MROH7: variants seen among roughly 807,000 people sequenced by gnomAD.
MROH7 encodes maestro heat-like repeat-containing protein family member 7.
MROH7 carries 113 observed loss-of-function variants against 129.2 expected under a neutral mutation model. The ratio of observed to expected loss-of-function variants is 0.87; its 90% CI spans 0.75 to 1.02. The LOEUF is 1.02. Ranked by LOEUF, MROH7 falls within the 50% of genes least tolerant of loss-of-function variation. MROH7 has a pLI of 0.00. For missense variants in MROH7, 1,601 were observed against 1,671.3 expected, an observed-to-expected ratio of 0.96 and a Z score of 0.73; for synonymous variants, 655 against 667.9, an observed-to-expected ratio of 0.98 and a Z score of 0.30.
At chr1:54,670,685 C>T in intron 6 of MROH7, 109 bp downstream of exon 6, 2 of 1,351,646 alleles carry the variant, frequency 1.5e-6, no homozygotes, top group South Asian at 2.7e-5. Context: ...CCACCCCTCG[C>T]CCGGTGCCTT....
chr1:54,693,963 C>T (rs1444377735), intron 16 of MROH7, among the ~76,000 whole-genome samples: 3 of 152,176 alleles, frequency 2.0e-5, no homozygotes, highest in Non-Finnish European at 4.4e-5. Context: ...CTCATTGCAA[C>T]CTCTGCCTCC....
intron 14 of MROH7, among the ~76,000 whole-genome samples, chr1:54,683,470 G>A (rs1368735028): frequency 6.6e-6 from 1 of 152,120 alleles, no homozygotes; most frequent in Non-Finnish European, 1.5e-5. Flanking sequence ...ATGCCAGTTG[G>A]TCCATACCCC....
Position 54,706,506 on chromosome 1 carries a change from C to T in MROH7, c.3636C>T (p.Ala1212=), listed in dbSNP as rs751288331. The T allele has an allele frequency of 6.2e-7, 1 of 1,613,648 alleles. No homozygotes were observed. Among genetic ancestry groups the T allele is most frequent in the African/African-American group, 1.3e-5 (1 of 74,956 alleles). Residue 1212 remains alanine, a synonymous_variant, in exon 22 of 24, where the codon GCC becomes GCT. Transcript: ENST00000421030. The stretch of plus-strand genomic sequence containing the variant: ...TGGAGTATGCCAAGAACTCACGGGC[C>T]TCCCTCCGGAAGTGCTCAGTCATGT... ...QSLEYAKNSR[A]SLRKCSVMFI...
At chr1:54,704,189 T>C (rs947050318) in intron 21 of MROH7, among the ~76,000 whole-genome samples, 1 of 152,168 alleles carries the variant, frequency 6.6e-6, no homozygotes, top group South Asian at 2.1e-4. Context: ...TCTCATGATA[T>C]TACCATCACA....
At chr1:54,702,952 C>T (rs552595410) in intron 21 of MROH7, among the ~76,000 whole-genome samples, 22 of 152,254 alleles carry the variant, frequency 1.4e-4, no homozygotes, top group African/African-American at 4.8e-4. Context: ...ATACCTCCCA[C>T]GATGATCACG....
chr1:54,708,417 A>AAAACAAACAAACAAACAAACAAAC (rs55969302), intron 22 of MROH7, among the ~76,000 whole-genome samples: 1 of 150,552 alleles, frequency 6.6e-6, no homozygotes, highest in African/African-American at 2.5e-5. Context: ...ACACTGTCTA[A>AAAACAAACAAACAAACAAACAAAC]AAACAAACAA....
At chr1:54,665,353 C>T in intron 4 of MROH7, 113 bp downstream of exon 4, 1 of 704,930 alleles carries the variant, frequency 1.4e-6, no homozygotes, top group South Asian at 1.8e-5. Flanking sequence ...CCCAGCTCTC[C>T]TTTTCTCCAT....
chr1:54,655,216 TG>T (rs1644625206), intron 3 of MROH7, among the ~76,000 whole-genome samples: 1 of 152,066 alleles, frequency 6.6e-6, no homozygotes, highest in South Asian at 2.1e-4. Flanking sequence ...GGTTTTGCCA[TG>T]TTGGTCAGGC....
At chr1:54,658,352 AGTACC>A (rs1271750522) in intron 3 of MROH7, among the ~76,000 whole-genome samples, 1 of 152,192 alleles carries the variant, frequency 6.6e-6, no homozygotes, top group African/African-American at 2.4e-5. Context: ...TCCTTATGCC[AGTACC>A]GTGCTGTTTT....
At chr1:54,673,417 C>T (rs1644932794) in intron 8 of MROH7, among the ~76,000 whole-genome samples, 1 of 151,948 alleles carries the variant, frequency 6.6e-6, no homozygotes, top group Admixed American at 6.6e-5. Context: ...GTTATAGCTG[C>T]CACCATCTCT....
chr1:54,682,111 G>A (rs1645078602), intron 13 of MROH7, among the ~76,000 whole-genome samples: 2 of 151,680 alleles, frequency 1.3e-5, no homozygotes, highest in South Asian at 2.1e-4. Context: ...CATGTAAAAC[G>A]TAAAACATTT....
Position 54,702,076 on chromosome 1 carries a change from T to C in MROH7, c.3286-14T>C, listed in dbSNP as rs1483678690. 6.3e-7 allele frequency: 1 copy of C among 1,578,054 alleles called. No individual in the cohort carries two copies. The highest frequency in any genetic ancestry group is 2.3e-5 in the East Asian group (1 of 42,840). On this transcript the variant is annotated splice_polypyrimidine_tract_variant and intron_variant, in intron 19 of 23. Coordinates refer to ENST00000421030, the MANE Select transcript of MROH7 (RefSeq NM_001039464.4). ...CAGAGGAGGGACCCCCTCTGAGCCT[T>C]TGGTCTTCCCCAGGCACGAGAGGTC... is the stretch of plus-strand genomic sequence containing the variant.
intron 17 of MROH7, chr1:54,699,159 T>TG (rs1293867516): frequency 9.1e-5 from 6 of 65,920 alleles, no homozygotes; most frequent in African/African-American, 3.4e-4. Context: ...TCTTTCTTTC[T>TG]TTTCTTTCTT....
intron 15 of MROH7, among the ~76,000 whole-genome samples, chr1:54,690,212 G>A (rs930946630): frequency 2.0e-5 from 3 of 150,580 alleles, no homozygotes. Flanking sequence ...ATTTTTTCAC[G>A]AAGCAGCACG....
chr1:54,700,472 G>A lies in MROH7; in HGVS notation c.3105+11G>A. The A allele has an allele frequency of 6.4e-7, 1 of 1,569,502 alleles. No homozygotes were observed. Among genetic ancestry groups the A allele is most frequent in the Non-Finnish European group, 8.6e-7 (1 of 1,156,326 alleles). ...CGCAGGTCTGAGAAGGTGAGTGGGA[G>A]GCAGAGGAAAGCCTGGCCCAGCCAG... On this transcript the variant is annotated intron_variant, in intron 18 of 23. Transcript: ENST00000421030.
At chr1:54,698,036 C>A in intron 17 of MROH7, 1 of 249,994 alleles carries the variant, frequency 4.0e-6, no homozygotes, top group Non-Finnish European at 7.7e-6. Context: ...CCTGGCCAGT[C>A]AGCCCCACCA....
At chr1:54,658,684 C>G (rs1349875210) in intron 3 of MROH7, among the ~76,000 whole-genome samples, 3 of 151,686 alleles carry the variant, frequency 2.0e-5, no homozygotes, top group Non-Finnish European at 4.4e-5. Context: ...AGAAGCTTCC[C>G]TTGTGTCCCT....
intron 1 of MROH7, among the ~76,000 whole-genome samples, chr1:54,643,065 G>A (rs1322643209): frequency 6.6e-6 from 1 of 152,140 alleles, no homozygotes. Context: ...CATGTGCTAT[G>A]TGCTGGGAAA....
intron 7 of MROH7, among the ~76,000 whole-genome samples, chr1:54,671,172 G>T (rs890762953): frequency 6.6e-6 from 1 of 152,138 alleles, no homozygotes; most frequent in Non-Finnish European, 1.5e-5. Context: ...TGGATCACGA[G>T]GTCAGGAGAC....
Sources: gnomAD v4.1 joint callset for allele counts (sites outside exome capture counted in the v4.1 genomes callset) on GRCh38, gnomAD v4.1.1 for gene constraint, MANE v1.5 for transcripts, NCBI Gene and HGNC (gene_info 2026-07-23, HGNC 2026-07-21) for gene names.